The following UNC13C variants were observed in gnomAD, a reference collection of about 807,000 sequenced individuals.
UNC13C encodes unc-13 homolog C, also known as protein unc-13 homolog C.
A neutral mutation model predicts 245.4 loss-of-function variants in UNC13C; 174 were observed. The ratio of observed to expected loss-of-function variants is 0.71; its 90% CI spans 0.63 to 0.80. The LOEUF (loss-of-function observed/expected upper bound fraction) is 0.80, where lower values mean the gene tolerates loss of function less well. Ranked by LOEUF, UNC13C falls within the 30% of genes least tolerant of loss-of-function variation. UNC13C has a pLI of 0.00. For missense variants in UNC13C, 2,829 were observed against 2,602.9 expected (o/e 1.09, Z -1.89); for synonymous variants, 992 against 895.1 (o/e 1.11, Z -1.93).
At chr15:54,265,279 A>G (rs2036524349) in intron 9 of UNC13C, 76 bp from the exon 10 acceptor site, 2 of 1,234,096 alleles carry the variant, frequency 1.6e-6, no homozygotes, top group Non-Finnish European at 1.0e-6. Flanking sequence ...AAATGACAGA[A>G]AAATTGTCTT....
the UNC13C span, among the ~76,000 whole-genome samples, chr15:53,853,645 C>T: frequency 2.3e-4 from 35 of 152,298 alleles, no homozygotes; most frequent in South Asian, 1.0e-3. Context: ...TCTACAACTT[C>T]GCCAGTATCT....
At chr15:54,232,473 A>T (rs774914911) in intron 4 of UNC13C, among the ~76,000 whole-genome samples, 2 of 152,130 alleles carry the variant, frequency 1.3e-5, no homozygotes, top group Non-Finnish European at 2.9e-5. Flanking sequence ...CTGATTCCCA[A>T]ATTTGTGGGT....
chr15:54,339,640 G>GATATATATATATATATATATAT (rs61353129), intron 17 of UNC13C, among the ~76,000 whole-genome samples: 22 of 149,678 alleles, frequency 1.5e-4, no homozygotes, highest in African/African-American at 5.5e-4. Flanking sequence ...ATTATGTGGA[G>GATATATATATATATATATATAT]ATATATATAT....
At chr15:54,097,630 C>G (rs2141148214) in intron 2 of UNC13C, among the ~76,000 whole-genome samples, 1 of 152,248 alleles carries the variant, frequency 6.6e-6, no homozygotes, top group African/African-American at 2.4e-5. Context: ...TTTGTAGCAA[C>G]TTCTAGGAGT....
the UNC13C span, among the ~76,000 whole-genome samples, chr15:53,930,460 A>C: frequency 6.6e-6 from 1 of 152,230 alleles, no homozygotes; most frequent in Non-Finnish European, 1.5e-5. Flanking sequence ...GGAGATAATC[A>C]ACCATATCAT....
At chr15:53,931,650 C>A in the UNC13C span, among the ~76,000 whole-genome samples, 3 of 151,968 alleles carry the variant, frequency 2.0e-5, no homozygotes, top group Non-Finnish European at 4.4e-5. Context: ...CTAGTCTAAG[C>A]TTTAAAATAC....
intron 17 of UNC13C, among the ~76,000 whole-genome samples, chr15:54,349,510 C>T (rs113839426): frequency 3.3e-5 from 5 of 151,998 alleles, no homozygotes; most frequent in East Asian, 1.9e-4. Context: ...TATAACCTCA[C>T]GTTGTTAATA....
At chr15:53,930,195 T>C in the UNC13C span, among the ~76,000 whole-genome samples, 2 of 152,206 alleles carry the variant, frequency 1.3e-5, no homozygotes, top group East Asian at 3.9e-4. Context: ...CTCCACAGTT[T>C]CTTCACATGG....
intron 13 of UNC13C, among the ~76,000 whole-genome samples, chr15:54,315,794 G>A (rs560144997): frequency 6.6e-5 from 10 of 151,740 alleles, no homozygotes; most frequent in South Asian, 2.1e-4. Flanking sequence ...AACCATTCAC[G>A]TAGTCACTCA....
chr15:53,917,074 T>G, the UNC13C span, among the ~76,000 whole-genome samples: 1 of 152,258 alleles, frequency 6.6e-6, no homozygotes, highest in East Asian at 1.9e-4. Context: ...TATTTATTTA[T>G]GTTTATGACA....
intron 8 of UNC13C, among the ~76,000 whole-genome samples, chr15:54,251,402 T>C (rs888201439): frequency 1.2e-4 from 18 of 152,226 alleles, no homozygotes; most frequent in Non-Finnish European, 2.9e-5. Flanking sequence ...AAAGGCTAAA[T>C]GTAATAGTCT....
intron 29 of UNC13C, among the ~76,000 whole-genome samples, chr15:54,556,363 G>A (rs62022749): frequency 0.061 from 9,299 of 152,080 alleles, 384 homozygotes; most frequent in Admixed American, 0.13. Flanking sequence ...CATTTCAACA[G>A]AGTTCTATCT....
At chr15:54,069,976 G>A (rs921562524) in intron 2 of UNC13C, among the ~76,000 whole-genome samples, 1 of 152,226 alleles carries the variant, frequency 6.6e-6, no homozygotes, top group Admixed American at 6.5e-5. Context: ...AGAATAAGTT[G>A]AGTATTGTTA....
intron 30 of UNC13C, among the ~76,000 whole-genome samples, chr15:54,615,018 A>G (rs1900338597): frequency 1.3e-5 from 2 of 151,914 alleles, no homozygotes; most frequent in Admixed American, 6.6e-5. Flanking sequence ...TGGGTTTTAT[A>G]TGTTCACTCA....
At chr15:54,071,907 T>C (rs10518755) in intron 2 of UNC13C, among the ~76,000 whole-genome samples, 74,924 of 151,960 alleles carry the variant, frequency 0.49, 20,315 homozygotes, top group Non-Finnish European at 0.61. Context: ...CTGGTCACGA[T>C]GTCTCTTGAT....
At chr15:54,383,542 A>C (rs752580026) in intron 17 of UNC13C, among the ~76,000 whole-genome samples, 19 of 152,168 alleles carry the variant, frequency 1.2e-4, no homozygotes, top group Non-Finnish European at 2.4e-4. Context: ...ACCATATATG[A>C]TAAACCCACG....
At chr15:54,483,521 G>C (rs1173706754) in intron 19 of UNC13C, among the ~76,000 whole-genome samples, 1 of 151,656 alleles carries the variant, frequency 6.6e-6, no homozygotes, top group African/African-American at 2.4e-5. Flanking sequence ...TTTTGAGATG[G>C]AGTCTCACTT....
At chr15:54,356,083 G>A (rs373590520) in intron 17 of UNC13C, among the ~76,000 whole-genome samples, 15 of 152,076 alleles carry the variant, frequency 9.9e-5, no homozygotes, top group Admixed American at 3.9e-4. Context: ...TTATGTCTGC[G>A]TGGTATTCCA....
intron 2 of UNC13C, among the ~76,000 whole-genome samples, chr15:54,017,296 T>C (rs1413343114): frequency 3.3e-5 from 5 of 152,190 alleles, no homozygotes; most frequent in Non-Finnish European, 7.4e-5. Context: ...TCAAATGTTA[T>C]GCAAATGTAA....
Sources: allele counts gnomAD v4.1 joint callset (sites outside exome capture counted in the v4.1 genomes callset), GRCh38; gene constraint gnomAD v4.1.1; transcripts MANE v1.5; gene names NCBI Gene and HGNC (gene_info 2026-07-23, HGNC 2026-07-21).